The following ZFHX3 variants were observed in gnomAD, a reference collection of about 807,000 sequenced individuals.
ZFHX3 encodes the protein zinc finger homeobox protein 3.
ZFHX3 carries 42 observed loss-of-function variants against 279.1 expected under a neutral mutation model. The ratio of observed to expected loss-of-function variants is 0.15; its 90% CI spans 0.12 to 0.19. ZFHX3 has a LOEUF of 0.19. Ranked by LOEUF, ZFHX3 falls within the 10% of genes least tolerant of loss-of-function variation. The pLI, the probability that ZFHX3 is intolerant of heterozygous loss-of-function variation, is 1.00. For synonymous variants in ZFHX3, 2,293 were observed against 1,957.8 expected (o/e 1.17, Z -4.52); for missense variants, 4,981 against 4,754.0 (o/e 1.05, Z -1.40).
chr16:73,724,298 GA>G (rs1202081959), intron 1 of ZFHX3, among the ~76,000 whole-genome samples: 16 of 152,200 alleles, frequency 1.1e-4, no homozygotes, highest in African/African-American at 3.9e-4. Context: ...GACTACTAAT[GA>G]ATACATGACT....
At chr16:73,034,394 G>A (rs1202110173) in intron 1 of ZFHX3, among the ~76,000 whole-genome samples, 2 of 152,162 alleles carry the variant, frequency 1.3e-5, no homozygotes, top group African/African-American at 4.8e-5. Context: ...ATCTTGGGGG[G>A]CACTAGAGCC....
At chr16:73,304,175 A>C (rs2015125746) in intron 4 of ZFHX3, among the ~76,000 whole-genome samples, 2 of 152,030 alleles carry the variant, frequency 1.3e-5, no homozygotes, top group Admixed American at 1.3e-4. Context: ...GTCCAGGTTC[A>C]GGGTGTGAGT....
At chr16:73,486,731 T>A (rs1196112189) in intron 2 of ZFHX3, 1 of 452,650 alleles carries the variant, frequency 2.2e-6, no homozygotes, top group Admixed American at 2.4e-5. Context: ...GGGTCTCTCT[T>A]GCTCATTTTT....
At chr16:72,882,008 G>T (rs146602784) in intron 4 of ZFHX3, among the ~76,000 whole-genome samples, 1 of 152,008 alleles carries the variant, frequency 6.6e-6, no homozygotes, top group African/African-American at 2.4e-5. Flanking sequence ...GGCTCCCTTG[G>T]GGGTCCCCAT....
intron 3 of ZFHX3, among the ~76,000 whole-genome samples, chr16:73,425,317 G>T (rs181488636): frequency 3.9e-5 from 6 of 152,230 alleles, no homozygotes; most frequent in African/African-American, 1.4e-4. Flanking sequence ...CAGACAGCTC[G>T]GCCCTTACAG....
At chr16:73,309,042 T>C (rs548830262) in intron 4 of ZFHX3, among the ~76,000 whole-genome samples, 58 of 152,222 alleles carry the variant, frequency 3.8e-4, no homozygotes, top group African/African-American at 1.4e-3. Context: ...GGAACACAGA[T>C]GGGAAGCTAT....
chr16:72,935,223 G>A (rs986885926), intron 3 of ZFHX3, among the ~76,000 whole-genome samples: 2 of 152,188 alleles, frequency 1.3e-5, no homozygotes, highest in South Asian at 2.1e-4. Flanking sequence ...CATGGGACAG[G>A]AGGAGAGAAG....
chr16:73,358,325 A>T (rs1474925897), intron 3 of ZFHX3, among the ~76,000 whole-genome samples: 2 of 152,212 alleles, frequency 1.3e-5, no homozygotes, highest in Non-Finnish European at 2.9e-5. Context: ...GTCACAAAGG[A>T]CAGCGGCCTC....
At chr16:73,569,760 C>T (rs1457844331) in intron 2 of ZFHX3, among the ~76,000 whole-genome samples, 1 of 152,286 alleles carries the variant, frequency 6.6e-6, no homozygotes, top group Non-Finnish European at 1.5e-5. Context: ...CACAAACATG[C>T]GTACTCCTGG....
intron 2 of ZFHX3, among the ~76,000 whole-genome samples, chr16:73,664,682 G>C (rs1458774979): frequency 6.6e-6 from 1 of 152,152 alleles, no homozygotes; most frequent in African/African-American, 2.4e-5. Flanking sequence ...TGTCCATTAA[G>C]ATGAGATACA....
chr16:73,673,478 C>G lies in ZFHX3; in HGVS notation c.-1547+6702G>C, dbSNP rs184813526. ...TTAAAGGAACCTCATTCTCTTCCCC[C>G]TCCCAGGCTATCACCAAGAAGTAAG... On this transcript the variant is annotated intron_variant, in intron 2 of 17. Coordinates refer to the ZFHX3 transcript ENST00000641206. Among the ~76,000 whole-genome samples, 373 of 152,228 alleles carry G rather than the reference C, an allele frequency of 2.5e-3. 1 individual carries two copies. Among genetic ancestry groups the G allele is most frequent in the African/African-American group, 8.7e-3 (361 of 41,540 alleles).
intron 7 of ZFHX3, among the ~76,000 whole-genome samples, chr16:73,120,906 G>A (rs546542489): frequency 6.2e-4 from 94 of 151,664 alleles, no homozygotes; most frequent in African/African-American, 1.5e-3. Flanking sequence ...CGCCCACCTC[G>A]GCCTCCCAGA....
chr16:73,654,183 CAAAAAA>C (rs35720246), intron 2 of ZFHX3, among the ~76,000 whole-genome samples: 1 of 89,012 alleles, frequency 1.1e-5, no homozygotes, highest in Non-Finnish European at 2.4e-5. Context: ...GACTCAGTCT[CAAAAAA>C]AAAAAAAAAA....
At chr16:73,767,973 C>A (rs1458673635) in intron 1 of ZFHX3, among the ~76,000 whole-genome samples, 1 of 152,136 alleles carries the variant, frequency 6.6e-6, no homozygotes, top group Non-Finnish European at 1.5e-5. Flanking sequence ...ACGTAGGGAG[C>A]TTTTACATCC....
At chr16:73,172,679 G>C (rs1384146167) in intron 5 of ZFHX3, among the ~76,000 whole-genome samples, 3 of 152,222 alleles carry the variant, frequency 2.0e-5, no homozygotes, top group Non-Finnish European at 4.4e-5. Flanking sequence ...AGAGGTTTCT[G>C]TAAGTAGCCC....
intron 3 of ZFHX3, among the ~76,000 whole-genome samples, chr16:72,897,176 T>G (rs1438818438): frequency 2.0e-5 from 3 of 152,134 alleles, no homozygotes; most frequent in Non-Finnish European, 2.9e-5. Context: ...GGAGGCCCCA[T>G]GATGGAAGAA....
chr16:73,391,738 G>A (rs368760046), intron 3 of ZFHX3, among the ~76,000 whole-genome samples: 3 of 152,172 alleles, frequency 2.0e-5, no homozygotes, highest in East Asian at 3.9e-4. Context: ...CAGGCTTAGA[G>A]ATCAACCAGT....
chr16:73,496,493 T>G (rs2019144340), intron 2 of ZFHX3, among the ~76,000 whole-genome samples: 1 of 152,212 alleles, frequency 6.6e-6, no homozygotes. Context: ...ATCGTGCCAC[T>G]GCACTCCAGC....
At chr16:73,317,721 G>A (rs988900274) in intron 4 of ZFHX3, among the ~76,000 whole-genome samples, 2 of 152,038 alleles carry the variant, frequency 1.3e-5, no homozygotes, top group African/African-American at 4.8e-5. Context: ...ACACATGCGC[G>A]GCATCAAATA....
Sources: allele counts gnomAD v4.1 joint callset (sites outside exome capture counted in the v4.1 genomes callset), GRCh38; gene constraint gnomAD v4.1.1; transcripts MANE v1.5; gene names NCBI Gene and HGNC (gene_info 2026-07-23, HGNC 2026-07-21).